Variants in C1QTNF3 observed in about 807,000 individuals in gnomAD.
C1QTNF3 encodes the protein complement C1q tumor necrosis factor-related protein 3.
In C1QTNF3, 26 loss-of-function variants were observed where a neutral mutation model predicts 32.6. That is an observed-to-expected ratio of 0.80 (90% CI 0.58 to 1.11). The LOEUF is 1.11. C1QTNF3 is among the 50% of genes least tolerant of loss of function. C1QTNF3 has a pLI of 0.00. For missense variants in C1QTNF3, 362 were observed against 398.2 expected (o/e 0.91, Z 0.77); for synonymous variants, 155 against 146.0 (o/e 1.06, Z -0.44).
the C1QTNF3 span, among the ~76,000 whole-genome samples, chr5:34,235,803 A>G: frequency 1.3e-5 from 2 of 152,272 alleles, no homozygotes; most frequent in Non-Finnish European, 1.5e-5. Flanking sequence ...AGGTGCTGTT[A>G]TAGCAGACCC....
chr5:34,227,766 C>T, the C1QTNF3 span, among the ~76,000 whole-genome samples: 2 of 151,794 alleles, frequency 1.3e-5, no homozygotes, highest in Non-Finnish European at 2.9e-5. Context: ...ATGTATTTAA[C>T]CAATAGCTGG....
the C1QTNF3 span, among the ~76,000 whole-genome samples, chr5:34,125,650 C>T: frequency 3.3e-5 from 5 of 152,036 alleles, no homozygotes; most frequent in East Asian, 1.9e-4. Flanking sequence ...TGAATCAAAA[C>T]GAAGGAACAG....
chr5:34,132,640 T>C, the C1QTNF3 span, among the ~76,000 whole-genome samples: 1 of 152,084 alleles, frequency 6.6e-6, no homozygotes, highest in Admixed American at 6.5e-5. Flanking sequence ...TTACATATTA[T>C]TTGTCATATC....
chr5:34,204,315 T>G, the C1QTNF3 span, among the ~76,000 whole-genome samples: 66 of 152,250 alleles, frequency 4.3e-4, 1 homozygote, highest in Admixed American at 1.2e-3. Flanking sequence ...TGCACCCATA[T>G]GTTTATCACA....
the C1QTNF3 span, among the ~76,000 whole-genome samples, chr5:34,122,242 G>A: frequency 1.3e-5 from 2 of 152,050 alleles, no homozygotes; most frequent in South Asian, 2.1e-4. Flanking sequence ...TCTTTAGAAT[G>A]TGAGTCTGGT....
chr5:34,225,781 G>A, the C1QTNF3 span, among the ~76,000 whole-genome samples: 1 of 151,486 alleles, frequency 6.6e-6, no homozygotes, highest in Admixed American at 6.6e-5. Context: ...TATCTTTATG[G>A]TGACAAATCT....
At chr5:34,044,813 GA>G (rs1348887225), upstream of C1QTNF3, among the ~76,000 whole-genome samples, 1 of 152,170 alleles carries the variant, frequency 6.6e-6, no homozygotes, top group East Asian at 1.9e-4. Context: ...GTCTACCCTT[GA>G]GCATCTAAAC....
chr5:34,154,226 G>T, the C1QTNF3 span, among the ~76,000 whole-genome samples: 14 of 152,142 alleles, frequency 9.2e-5, no homozygotes. Context: ...TTTGGAAATG[G>T]AAAGTATAAC....
At chr5:34,106,070 C>T in the C1QTNF3 span, 10 of 150,440 alleles carry the variant, frequency 6.6e-5, no homozygotes, top group Admixed American at 6.6e-4. Flanking sequence ...AATTTGCTTT[C>T]ATAGTTTATT....
chr5:34,145,868 A>G, the C1QTNF3 span, among the ~76,000 whole-genome samples: 1 of 152,164 alleles, frequency 6.6e-6, no homozygotes, highest in African/African-American at 2.4e-5. Context: ...ATCTATAAAT[A>G]TGATTCACCA....
chr5:34,145,581 C>T, the C1QTNF3 span, among the ~76,000 whole-genome samples: 10 of 151,016 alleles, frequency 6.6e-5, no homozygotes, highest in Non-Finnish European at 2.9e-5. Context: ...TGACATCAAT[C>T]CTACTGAAAC....
the C1QTNF3 span, among the ~76,000 whole-genome samples, chr5:34,214,712 G>A: frequency 1.3e-5 from 2 of 151,996 alleles, no homozygotes; most frequent in Non-Finnish European, 2.9e-5. Flanking sequence ...TTGTCAAAGA[G>A]CTATCTCCTT....
the C1QTNF3 span, among the ~76,000 whole-genome samples, chr5:34,217,662 T>C: frequency 1.4e-4 from 21 of 152,278 alleles, no homozygotes; most frequent in East Asian, 2.7e-3. Context: ...AATGTGGTAT[T>C]GTGCACAGCT....
At chr5:34,114,020 G>GA in the C1QTNF3 span, among the ~76,000 whole-genome samples, 25 of 152,224 alleles carry the variant, frequency 1.6e-4, no homozygotes, top group African/African-American at 4.6e-4. Flanking sequence ...CAGGGCCATT[G>GA]AAAAAATCTC....
At chr5:34,188,243 G>A in the C1QTNF3 span, among the ~76,000 whole-genome samples, 4 of 152,174 alleles carry the variant, frequency 2.6e-5, no homozygotes, top group African/African-American at 9.7e-5. Flanking sequence ...CGGGAGCGGG[G>A]GGCCCTCATG....
chr5:34,141,528 C>T, the C1QTNF3 span, among the ~76,000 whole-genome samples: 1 of 152,140 alleles, frequency 6.6e-6, no homozygotes, highest in East Asian at 1.9e-4. Context: ...TTTGCCAACG[C>T]TTGTGCTATC....
chr5:34,208,553 A>T, the C1QTNF3 span, among the ~76,000 whole-genome samples: 1 of 151,930 alleles, frequency 6.6e-6, no homozygotes, highest in African/African-American at 2.4e-5. Context: ...GGATGGGAAG[A>T]AGAATGTGGG....
the C1QTNF3 span, among the ~76,000 whole-genome samples, chr5:34,147,948 G>C: frequency 7.2e-5 from 11 of 152,220 alleles, no homozygotes; most frequent in East Asian, 1.9e-4. Flanking sequence ...GAGGTACCGG[G>C]TTCATCTCAC....
the C1QTNF3 span, among the ~76,000 whole-genome samples, chr5:34,229,798 C>A: frequency 6.6e-6 from 1 of 152,112 alleles, no homozygotes; most frequent in African/African-American, 2.4e-5. Flanking sequence ...TTTCAATAAT[C>A]TATTAATTGG....
Sources: gnomAD v4.1 joint callset for allele counts (sites outside exome capture counted in the v4.1 genomes callset) on GRCh38, gnomAD v4.1.1 for gene constraint, MANE v1.5 for transcripts, NCBI Gene and HGNC (gene_info 2026-07-23, HGNC 2026-07-21) for gene names.